The following DHX9 variants were observed in gnomAD, a reference collection of about 807,000 sequenced individuals.
The protein encoded by DHX9 is ATP-dependent RNA helicase A.
In DHX9, 27 loss-of-function variants were observed where a neutral mutation model predicts 148.7. That is an observed-to-expected ratio of 0.18 (90% confidence interval 0.13 to 0.25). DHX9 has a LOEUF of 0.25. Among genes scored for constraint, DHX9 ranks in the 10% least tolerant of loss-of-function variants. The probability of loss-of-function intolerance (pLI) is 1.00; values close to 1 mark genes in which losing one functional copy is unlikely to be tolerated. For missense variants in DHX9, 796 were observed against 1,559.6 expected (o/e 0.51, Z 8.25); for synonymous variants, 529 against 516.6 (o/e 1.02, Z -0.33).
At chr1:182,857,996 C>A in intron 7 of DHX9, 108 bp from the exon 8 acceptor site, 1 of 1,124,506 alleles carries the variant, frequency 8.9e-7, no homozygotes, top group East Asian at 2.4e-5. Flanking sequence ...ATGGCATACC[C>A]TGTATTTTAG....
At chr1:182,863,722 G>A (rs139185852) in intron 12 of DHX9, among the ~76,000 whole-genome samples, 1 of 152,138 alleles carries the variant, frequency 6.6e-6, no homozygotes, top group East Asian at 1.9e-4. Flanking sequence ...GCTCACGTTA[G>A]GCATTGTTTT....
rs1377087716 is a variant in DHX9 at position 182,874,958 on chromosome 1, A to G, written c.1815+4A>G. 6.2e-7 allele frequency: 1 copy of G among 1,607,788 alleles called. No individual in the cohort carries two copies. The highest frequency in any genetic ancestry group is 1.3e-5 in the African/African-American group (1 of 74,872). ...TGATGGTGGTGAGGATGATGATGTA[A>G]GTGAATTTCATGAAGAATTTCCATT... On this transcript the variant is annotated splice_donor_region_variant and intron_variant, in intron 16 of 27. Coordinates refer to ENST00000367549, the MANE Select transcript of DHX9 (RefSeq NM_001357.5).
At chr1:182,877,997 AAT>A in intron 19 of DHX9, 22 bp from the exon 20 acceptor site, 5 of 1,613,596 alleles carry the variant, frequency 3.1e-6, no homozygotes, top group Non-Finnish European at 3.4e-6. Flanking sequence ...TGAGTCTTAG[AAT>A]TAACCACTTT....
chr1:182,867,059 G>GGT lies in DHX9; in HGVS notation c.1557+17_1557+18dup, dbSNP rs1648324352. 6.9e-7 allele frequency: 1 copy of GGT among 1,440,604 alleles called. No individual in the cohort carries two copies. Among genetic ancestry groups the GGT allele is most frequent in the African/African-American group, 1.4e-5 (1 of 69,394 alleles). The allele number at this position is 1,440,604 out of a possible 1,614,324, so 89.2% of individuals were successfully genotyped here. A position where few individuals can be genotyped will look rare whatever the true frequency, so the allele number is the denominator to read the frequency against. ...AGATATTAATGTAAGTAACTTGAGAGGTACAGTAAGGTACTTAATTCTGCT... is the reference window on the plus strand; with the variant it reads ...AGATATTAATGTAAGTAACTTGAGAGGTGTACAGTAAGGTACTTAATTCTGCT... On this transcript the variant is annotated intron_variant, in intron 14 of 27. Coordinates refer to ENST00000367549, the MANE Select transcript of DHX9 (RefSeq NM_001357.5).
chr1:182,883,498 TTG>T lies in DHX9; in HGVS notation c.3145-20_3145-19del, dbSNP rs753675945. On this transcript the variant is annotated intron_variant, in intron 25 of 27. Coordinates refer to ENST00000367549, the MANE Select transcript of DHX9 (RefSeq NM_001357.5). ...AAGTTGGAATGTCAACCATTTTGTATTGTCTCTTTCTCCATTTGCAGATTCGA... is the reference window on the plus strand; with the variant it reads ...AAGTTGGAATGTCAACCATTTTGTATTCTCTTTCTCCATTTGCAGATTCGA... 92 of 1,605,852 alleles carry T rather than the reference TTG, an allele frequency of 5.7e-5. No homozygotes were observed. The African/African-American group carries it at 1.1e-3, about 19-fold the overall frequency.
intron 1 of DHX9, among the ~76,000 whole-genome samples, chr1:182,842,325 A>G (rs1667947794): frequency 6.6e-6 from 1 of 152,190 alleles, no homozygotes; most frequent in South Asian, 2.1e-4. Flanking sequence ...AGTCTTGATC[A>G]TGTATATGTA....
chr1:182,878,752 C>T (rs1014308803), intron 20 of DHX9, among the ~76,000 whole-genome samples: 14 of 152,260 alleles, frequency 9.2e-5, no homozygotes, highest in Admixed American at 2.6e-4. Context: ...AAATCCAAAA[C>T]GCTCTAATGA....
intron 15 of DHX9, 29 bp downstream of exon 15, chr1:182,872,522 T>A (rs778680602): frequency 6.3e-6 from 10 of 1,599,724 alleles, no homozygotes; most frequent in Non-Finnish European, 8.5e-6. Context: ...TATAGGAACA[T>A]CTTTTGTGCA....
chr1:182,853,374 T>C lies in DHX9; in HGVS notation c.433T>C (p.Leu145=), dbSNP rs765934406. ...PGPTWDRGAN[L]KDYYSRKEEQ... ...GCCCACCTGGGACCGAGGAGCCAAC[T>C]TGAAGGATTACTACTCAAGAAAGGA... The change falls in exon 5 of 28, where the codon TTG becomes CTG. Residue 145 remains leucine (L), a synonymous_variant. Transcript: ENST00000367549. 2 of 1,614,048 alleles carry C rather than the reference T, an allele frequency of 1.2e-6. No individual in the cohort carries two copies. The highest frequency in any genetic ancestry group is 1.1e-5 in the South Asian group (1 of 91,068).
Position 182,887,826 on chromosome 1 carries a change from A to G in DHX9, c.*392A>G. The G allele has an allele frequency of 5.3e-6, 1 of 190,060 alleles. No individual in the cohort carries two copies. The highest frequency in any genetic ancestry group is 1.1e-5 in the Non-Finnish European group (1 of 89,010). 11.8% of individuals were successfully genotyped at this position (190,060 alleles called of 1,614,324 possible). A position where few individuals can be genotyped will look rare whatever the true frequency, so the allele number is the denominator to read the frequency against. ...TGCCAGCTACATCTGTTGATTTTAA[A>G]TGTCAGAGAAGTTGTACCCTGTTTC... is the stretch of plus-strand genomic sequence containing the variant. On this transcript the variant is annotated 3_prime_UTR_variant, in exon 28 of 28. Transcript: ENST00000367549.
chr1:182,873,113 G>A (rs1648616149), intron 15 of DHX9, among the ~76,000 whole-genome samples: 1 of 151,886 alleles, frequency 6.6e-6, no homozygotes, highest in African/African-American at 2.4e-5. Context: ...ACAACACCAC[G>A]CCTGGCTAAT....
chr1:182,874,805 C>T (rs1341841646), intron 15 of DHX9, 49 bp from the exon 16 acceptor site: 3 of 1,364,436 alleles, frequency 2.2e-6, no homozygotes, highest in Non-Finnish European at 3.1e-6. Context: ...TAGGTCTGCT[C>T]CATTGTGAAA....
At chr1:182,868,534 T>TTTTTTTTTTTA (rs1648403826) in intron 14 of DHX9, among the ~76,000 whole-genome samples, 1 of 149,436 alleles carries the variant, frequency 6.7e-6, no homozygotes, top group African/African-American at 2.5e-5. Context: ...TTTTTTTTTT[T>TTTTTTTTTTTA]GAGGAGTCTT....
At chr1:182,877,694 T>C (rs1648874970) in intron 19 of DHX9, 1 of 212,954 alleles carries the variant, frequency 4.7e-6, no homozygotes, top group South Asian at 8.8e-5. Context: ...TTCTTTTGTG[T>C]ATGTGCCATA....
intron 12 of DHX9, 129 bp downstream of exon 12, chr1:182,860,313 G>A: frequency 1.2e-6 from 1 of 827,468 alleles, no homozygotes; most frequent in Non-Finnish European, 1.8e-6. Context: ...TTTAAAAAAA[G>A]AAAACATAAA....
intron 1 of DHX9, among the ~76,000 whole-genome samples, chr1:182,842,315 A>G (rs1435683937): frequency 6.6e-6 from 1 of 152,180 alleles, no homozygotes; most frequent in Admixed American, 6.5e-5. Flanking sequence ...ATTTCTTTCC[A>G]GTCTTGATCA....
intron 1 of DHX9, among the ~76,000 whole-genome samples, chr1:182,840,639 C>G (rs1477814739): frequency 1.3e-5 from 2 of 152,172 alleles, no homozygotes; most frequent in East Asian, 3.8e-4. Context: ...CTTCCTGAAG[C>G]AAGATATTCT....
intron 7 of DHX9, 38 bp from the exon 8 acceptor site, chr1:182,858,066 A>C (rs1271523573): frequency 3.8e-6 from 6 of 1,589,526 alleles, no homozygotes; most frequent in Non-Finnish European, 5.1e-6. Context: ...TACTCAGATG[A>C]TTTCTTTCTG....
At chr1:182,842,504 C>A (rs1667950926) in intron 1 of DHX9, 41 bp from the exon 2 acceptor site, 4 of 1,185,768 alleles carry the variant, frequency 3.4e-6, no homozygotes, top group South Asian at 2.9e-5. Context: ...CCAGTTTTTG[C>A]TATTATAAAT....
Sources: allele counts gnomAD v4.1 joint callset (sites outside exome capture counted in the v4.1 genomes callset), GRCh38; gene constraint gnomAD v4.1.1; transcripts MANE v1.5; gene names NCBI Gene and HGNC (gene_info 2026-07-23, HGNC 2026-07-21).